Variants in LOC400499 observed in about 807,000 individuals in gnomAD.
the LOC400499 span, among the ~76,000 whole-genome samples, chr16:11,516,464 C>T: frequency 6.6e-6 from 1 of 152,184 alleles, no homozygotes; most frequent in Non-Finnish European, 1.5e-5. Flanking sequence ...CCTTTGTTCC[C>T]TCTGCAGCTG....
chr16:11,422,444 A>T, the LOC400499 span, among the ~76,000 whole-genome samples: 2 of 152,196 alleles, frequency 1.3e-5, no homozygotes, highest in Admixed American at 1.3e-4. Context: ...ACGGAACGGA[A>T]AGGAAAGGAA....
chr16:11,429,749 C>T, the LOC400499 span, among the ~76,000 whole-genome samples: 5 of 151,356 alleles, frequency 3.3e-5, no homozygotes, highest in African/African-American at 9.7e-5. Flanking sequence ...GCTGGGATTA[C>T]AGGCATGAGC....
the LOC400499 span, among the ~76,000 whole-genome samples, chr16:11,408,738 T>G: frequency 1.3e-5 from 2 of 152,164 alleles, no homozygotes; most frequent in Non-Finnish European, 2.9e-5. Context: ...GTTGTGATTA[T>G]GAGTGTGAAC....
At chr16:11,474,902 G>A in the LOC400499 span, among the ~76,000 whole-genome samples, 51,665 of 151,944 alleles carry the variant, frequency 0.34, 9,611 homozygotes, top group African/African-American at 0.46. Context: ...ATCCCAATTC[G>A]CTATGCCAAA....
chr16:11,420,596 A>ACCC, the LOC400499 span, among the ~76,000 whole-genome samples: 4 of 76,234 alleles, frequency 5.2e-5, no homozygotes, highest in African/African-American at 2.9e-4. Context: ...AATAATAATA[A>ACCC]ACCCCCCCCC....
chr16:11,431,562 C>G, the LOC400499 span, among the ~76,000 whole-genome samples: 7 of 152,188 alleles, frequency 4.6e-5, no homozygotes, highest in Admixed American at 2.0e-4. Flanking sequence ...CCCACCACAA[C>G]AGCTGGCTAG....
At chr16:11,455,675 C>T in the LOC400499 span, among the ~76,000 whole-genome samples, 1 of 147,050 alleles carries the variant, frequency 6.8e-6, no homozygotes, top group Non-Finnish European at 1.5e-5. Flanking sequence ...GCAGAGGTTG[C>T]AGTGAGCCGA....
At chr16:11,416,581 T>C in the LOC400499 span, among the ~76,000 whole-genome samples, 4 of 152,126 alleles carry the variant, frequency 2.6e-5, no homozygotes, top group Admixed American at 2.0e-4. Flanking sequence ...CACATTCTGG[T>C]GATTCTAGCA....
At chr16:11,446,864 T>A in the LOC400499 span, 2 of 1,535,946 alleles carry the variant, frequency 1.3e-6, no homozygotes, top group Non-Finnish European at 1.7e-6. Flanking sequence ...GCTGTGAAGG[T>A]CTCCTGCAGG....
At chr16:11,456,594 T>C in the LOC400499 span, among the ~76,000 whole-genome samples, 1 of 152,074 alleles carries the variant, frequency 6.6e-6, no homozygotes, top group Non-Finnish European at 1.5e-5. Context: ...AGGTTTTCGT[T>C]TGTTTGTTTT....
the LOC400499 span, among the ~76,000 whole-genome samples, chr16:11,480,339 T>C: frequency 6.6e-6 from 1 of 152,226 alleles, no homozygotes; most frequent in African/African-American, 2.4e-5. Context: ...AAGATGCTTT[T>C]AACAGCAAGG....
At chr16:11,447,573 A>G in the LOC400499 span, among the ~76,000 whole-genome samples, 1 of 152,132 alleles carries the variant, frequency 6.6e-6, no homozygotes, top group African/African-American at 2.4e-5. Context: ...ACAGCTGCTC[A>G]ATGCATAGCC....
chr16:11,485,567 G>A, the LOC400499 span, among the ~76,000 whole-genome samples: 14 of 152,186 alleles, frequency 9.2e-5, no homozygotes, highest in African/African-American at 2.2e-4. Flanking sequence ...CTGCCCGTCC[G>A]CGCACCCCTC....
the LOC400499 span, among the ~76,000 whole-genome samples, chr16:11,397,171 C>G: frequency 1.3e-5 from 2 of 152,200 alleles, no homozygotes; most frequent in African/African-American, 4.8e-5. Context: ...TAGAACACAG[C>G]CTGGCATAGG....
chr16:11,450,500 CTG>C, the LOC400499 span: 18 of 1,088,544 alleles, frequency 1.7e-5, no homozygotes, highest in East Asian at 4.7e-4. Flanking sequence ...CTTCACACAC[CTG>C]TGAGCTGCTA....
At chr16:11,387,337 C>T in the LOC400499 span, 2 of 1,228,488 alleles carry the variant, frequency 1.6e-6, no homozygotes, top group Non-Finnish European at 2.0e-6. Context: ...CCTGCCCGAG[C>T]CTTGCTTCCC....
At chr16:11,486,071 G>A in the LOC400499 span, among the ~76,000 whole-genome samples, 1 of 151,640 alleles carries the variant, frequency 6.6e-6, no homozygotes, top group African/African-American at 2.4e-5. Flanking sequence ...TGTATGGATG[G>A]ATGGATGTAT....
chr16:11,448,538 AC>A, the LOC400499 span, among the ~76,000 whole-genome samples: 1,616 of 151,064 alleles, frequency 0.011, 38 homozygotes, highest in African/African-American at 0.037. Context: ...AAACAAACAA[AC>A]AAACAAACAA....
At chr16:11,511,208 A>C in the LOC400499 span, among the ~76,000 whole-genome samples, 1 of 152,032 alleles carries the variant, frequency 6.6e-6, no homozygotes. Context: ...ACGTTGCCAG[A>C]CTGGTGTCAA....
Sources: gnomAD v4.1 joint callset for allele counts (sites outside exome capture counted in the v4.1 genomes callset) on GRCh38, gnomAD v4.1.1 for gene constraint, MANE v1.5 for transcripts.